The following IGSF21 variants were observed in gnomAD, a reference collection of about 807,000 sequenced individuals.
IGSF21 encodes the protein immunoglobulin superfamily member 21.
Under a neutral mutation model 46.8 loss-of-function variants are expected in IGSF21, and 28 were observed. The ratio of observed to expected loss-of-function variants is 0.60; its 90% CI spans 0.44 to 0.82. IGSF21 has a LOEUF of 0.82. Among genes scored for constraint, IGSF21 ranks in the 40% least tolerant of loss-of-function variants. The probability of loss-of-function intolerance (pLI) is 0.00; values close to 1 mark genes in which losing one functional copy is unlikely to be tolerated. For missense variants in IGSF21, 624 were observed against 665.5 expected, an observed-to-expected ratio of 0.94 and a Z score of 0.69; for synonymous variants, 284 against 273.6, an observed-to-expected ratio of 1.04 and a Z score of -0.38.
chr1:18,296,439 G>A (rs1403847565), intron 3 of IGSF21, among the ~76,000 whole-genome samples: 2 of 152,172 alleles, frequency 1.3e-5, no homozygotes, highest in African/African-American at 4.8e-5. Flanking sequence ...AGGGTGGGGA[G>A]TCATGGGAAA....
chr1:18,134,470 G>A (rs571987600), intron 1 of IGSF21, among the ~76,000 whole-genome samples: 1 of 152,154 alleles, frequency 6.6e-6, no homozygotes, highest in Non-Finnish European at 1.5e-5. Context: ...TCATCTCCCT[G>A]GGGGAGGGTT....
At chr1:18,222,628 A>C (rs1173062580) in intron 1 of IGSF21, among the ~76,000 whole-genome samples, 3 of 152,230 alleles carry the variant, frequency 2.0e-5, no homozygotes, top group African/African-American at 7.2e-5. Context: ...TAACTTGCCC[A>C]GGTCGCTACT....
At chr1:18,140,545 A>G (rs1034003157) in intron 1 of IGSF21, among the ~76,000 whole-genome samples, 3 of 152,174 alleles carry the variant, frequency 2.0e-5, no homozygotes, top group Admixed American at 1.3e-4. Context: ...TGCATGCTCC[A>G]TGGAAGCGGG....
chr1:18,167,352 C>G (rs941053301), intron 1 of IGSF21, among the ~76,000 whole-genome samples: 4 of 152,110 alleles, frequency 2.6e-5, no homozygotes, highest in Non-Finnish European at 4.4e-5. Context: ...ATATGACCGG[C>G]CTTATTGTAC....
At chr1:18,201,542 C>T (rs1287746247) in intron 1 of IGSF21, among the ~76,000 whole-genome samples, 1 of 152,142 alleles carries the variant, frequency 6.6e-6, no homozygotes, top group Non-Finnish European at 1.5e-5. Flanking sequence ...ATGGACAGCA[C>T]CCATGTCAAC....
chr1:18,294,691 C>T (rs1227554600), intron 3 of IGSF21, among the ~76,000 whole-genome samples: 1 of 152,230 alleles, frequency 6.6e-6, no homozygotes, highest in Non-Finnish European at 1.5e-5. Context: ...CTCCCTGAGC[C>T]TCAGTAACAG....
intron 1 of IGSF21, among the ~76,000 whole-genome samples, chr1:18,216,144 G>C (rs923270446): frequency 6.6e-6 from 1 of 152,132 alleles, no homozygotes; most frequent in African/African-American, 2.4e-5. Context: ...AGTCAAGGAG[G>C]GGGTGACCAT....
chr1:18,213,516 G>T (rs771007371), intron 1 of IGSF21, among the ~76,000 whole-genome samples: 3 of 152,128 alleles, frequency 2.0e-5, no homozygotes, highest in Non-Finnish European at 4.4e-5. Flanking sequence ...TGTGCAGGCA[G>T]CATGGGAGGT....
intron 2 of IGSF21, among the ~76,000 whole-genome samples, chr1:18,241,460 C>T (rs1302311753): frequency 1.3e-5 from 2 of 152,186 alleles, no homozygotes; most frequent in African/African-American, 2.4e-5. Flanking sequence ...AAGCAACTTG[C>T]TCAAAGTCCT....
At chr1:18,306,537 G>A (rs559700729) in intron 3 of IGSF21, among the ~76,000 whole-genome samples, 1 of 152,234 alleles carries the variant, frequency 6.6e-6, no homozygotes, top group Admixed American at 6.5e-5. Flanking sequence ...AGCACCCCGA[G>A]GATAAAGACT....
chr1:18,310,388 T>C (rs1435779651), intron 3 of IGSF21, among the ~76,000 whole-genome samples: 1 of 152,210 alleles, frequency 6.6e-6, no homozygotes, highest in African/African-American at 2.4e-5. Flanking sequence ...ACTATTAGAA[T>C]GTCAGGGAGA....
chr1:18,222,668 C>T (rs1260651370), intron 1 of IGSF21, among the ~76,000 whole-genome samples: 3 of 152,140 alleles, frequency 2.0e-5, no homozygotes, highest in Admixed American at 6.5e-5. Context: ...TCGATTCTAT[C>T]GACAGACTTC....
At chr1:18,171,424 G>A (rs1183446715) in intron 1 of IGSF21, among the ~76,000 whole-genome samples, 4 of 152,172 alleles carry the variant, frequency 2.6e-5, no homozygotes, top group Non-Finnish European at 1.5e-5. Context: ...GAAGGTCCAC[G>A]ATTCCTGGCA....
At chr1:18,282,977 C>T (rs759522411) in intron 2 of IGSF21, among the ~76,000 whole-genome samples, 12 of 152,222 alleles carry the variant, frequency 7.9e-5, no homozygotes, top group Non-Finnish European at 1.5e-4. Flanking sequence ...CACACCCATA[C>T]TCCGTTGAAC....
chr1:18,284,821 G>A (rs1400655903), intron 2 of IGSF21, among the ~76,000 whole-genome samples: 1 of 152,260 alleles, frequency 6.6e-6, no homozygotes, highest in Non-Finnish European at 1.5e-5. Flanking sequence ...ATTGGAAGCT[G>A]TGCTGGGCTG....
intron 6 of IGSF21, among the ~76,000 whole-genome samples, chr1:18,366,904 G>T (rs548021548): frequency 6.6e-6 from 1 of 152,322 alleles, no homozygotes; most frequent in African/African-American, 2.4e-5. Context: ...AAGGGGAGAT[G>T]TGGAATCTTC....
chr1:18,196,610 A>G (rs2087011823), intron 1 of IGSF21, among the ~76,000 whole-genome samples: 1 of 152,192 alleles, frequency 6.6e-6, no homozygotes, highest in African/African-American at 2.4e-5. Context: ...TGTCTAGTTG[A>G]CAGAGTCTGT....
At chr1:18,112,952 AC>A (rs1473894358) in intron 1 of IGSF21, 1 of 151,514 alleles carries the variant, frequency 6.6e-6, no homozygotes, top group African/African-American at 2.4e-5. Context: ...CTCCCTCTCC[AC>A]CTCCTTTCCT....
intron 2 of IGSF21, among the ~76,000 whole-genome samples, chr1:18,262,239 G>A (rs555152054): frequency 1.1e-4 from 17 of 152,136 alleles, no homozygotes; most frequent in African/African-American, 2.2e-4. Context: ...CACCCACTCC[G>A]CATCTGTCCT....
Sources: gnomAD v4.1 joint callset for allele counts (sites outside exome capture counted in the v4.1 genomes callset) on GRCh38, gnomAD v4.1.1 for gene constraint, MANE v1.5 for transcripts, NCBI Gene and HGNC (gene_info 2026-07-23, HGNC 2026-07-21) for gene names.